Variants in FREM1 observed in about 807,000 individuals in gnomAD.
The protein encoded by FREM1 is FRAS1-related extracellular matrix protein 1.
Under a neutral mutation model 210.1 loss-of-function variants are expected in FREM1, and 220 were observed. The ratio of observed to expected loss-of-function variants is 1.05; its 90% CI spans 0.94 to 1.17. The LOEUF (loss-of-function observed/expected upper bound fraction) is 1.17. FREM1 is among the 50% of genes most tolerant of loss of function. The probability of loss-of-function intolerance (pLI) is 0.00; values close to 1 mark genes in which losing one functional copy is unlikely to be tolerated. For synonymous variants in FREM1, 1,189 were observed against 980.2 expected (o/e 1.21, Z -3.98); for missense variants, 3,454 against 2,675.5 (o/e 1.29, Z -6.42).
Position 14,859,181 on chromosome 9 carries a change from A to G in FREM1, c.631+2T>C. 6.4e-7 allele frequency: 1 copy of G among 1,569,502 alleles called. No homozygotes were observed. ...CCAGAAAGGCATTAAAAGACATCAT[A>G]CGGGACTCTGGGAAAAAACTGTGTG... On this transcript the variant is annotated splice_donor_variant, in intron 4 of 36. Transcript: ENST00000380880. LOFTEE classifies it high-confidence loss of function.
In FREM1 at chr9:14,819,239, T is replaced by G. The variant is rs926436210; in HGVS notation, c.2541A>C (p.Lys847Asn). ...TFSWGDLHTL[K>N]VRYQHDGTEV... ...AAACCATGAAATGTTCTAACCTAAC[T>G]TTTAAGGTATGGAGATCGCCCCAAG... The change falls in exon 14 of 37, where the codon AAA becomes AAC. Residue 847 changes from lysine to asparagine, a missense_variant. Coordinates refer to ENST00000380880, the MANE Select transcript of FREM1 (RefSeq NM_001379081.2). The G allele has an allele frequency of 1.1e-5, 17 of 1,606,748 alleles. No homozygotes were observed. Among genetic ancestry groups the G allele is most frequent in the Non-Finnish European group, 1.4e-5 (17 of 1,174,904 alleles).
At chr9:14,855,749 TAAAC>T (rs934653820) in intron 5 of FREM1, among the ~76,000 whole-genome samples, 9 of 151,578 alleles carry the variant, frequency 5.9e-5, no homozygotes, top group Non-Finnish European at 8.8e-5. Context: ...AGGTTAATGA[TAAAC>T]AAAGCAAGAA....
chr9:14,857,259 T>G (rs16932365), intron 5 of FREM1, among the ~76,000 whole-genome samples: 1 of 152,040 alleles, frequency 6.6e-6, no homozygotes, highest in Admixed American at 6.6e-5. Flanking sequence ...CTGAAGAGTA[T>G]TGGGAGTAAA....
intron 5 of FREM1, among the ~76,000 whole-genome samples, 165 bp from the exon 6 acceptor site, chr9:14,851,772 G>A (rs1315381298): frequency 3.3e-5 from 5 of 152,140 alleles, no homozygotes; most frequent in Non-Finnish European, 7.3e-5. Context: ...ACACATGCTG[G>A]TACCTAGGAT....
chr9:14,830,890 ATCTGT>A (rs1161412422), intron 10 of FREM1, among the ~76,000 whole-genome samples: 1 of 152,180 alleles, frequency 6.6e-6, no homozygotes, highest in Admixed American at 6.5e-5. Flanking sequence ...CAAGCTTAAA[ATCTGT>A]TCTGTCATTC....
At chr9:14,901,184 T>C (rs530698417) in intron 1 of FREM1, among the ~76,000 whole-genome samples, 2 of 152,222 alleles carry the variant, frequency 1.3e-5, no homozygotes, top group Non-Finnish European at 2.9e-5. Flanking sequence ...CAGTATGTAA[T>C]AGATCTCTCT....
Position 14,776,152 on chromosome 9 carries a change from T to C in FREM1, c.4494A>G (p.Thr1498=). ...GCAGGGCTCTGTCCACAGTCTCCAG[T>C]GTGATCTCAAACACCCCGTGCTCGG... is the stretch of plus-strand genomic sequence containing the variant. The part of the protein sequence containing the change: ...LRTEHGVFEI[T]LETVDRALPV... Residue 1498 remains threonine, a synonymous_variant, in exon 25 of 37, where the codon ACA becomes ACG. Coordinates refer to ENST00000380880, the MANE Select transcript of FREM1 (RefSeq NM_001379081.2). 1.3e-6 allele frequency: 2 copies of C among 1,560,200 alleles called. No individual in the cohort carries two copies. The highest frequency in any genetic ancestry group is 1.4e-5 in the African/African-American group (1 of 73,668).
At position 14,747,070 on chromosome 9, in the gene FREM1, A is replaced by G; in HGVS notation, c.6010-19T>C. 1 of 1,612,700 alleles carries G rather than the reference A, an allele frequency of 6.2e-7. No homozygotes were observed. The highest frequency in any genetic ancestry group is 1.3e-5 in the African/African-American group (1 of 75,024). On this transcript the variant is annotated intron_variant, in intron 33 of 36. Coordinates refer to ENST00000380880, the MANE Select transcript of FREM1 (RefSeq NM_001379081.2). The stretch of plus-strand genomic sequence containing the variant: ...ACTGGTCCTTTGGGAAGGAAAGGCA[A>G]TTTAGCAATTTAGAATTGACTTAAG...
At chr9:14,796,658 G>C (rs1852452506) in intron 21 of FREM1, among the ~76,000 whole-genome samples, 1 of 152,292 alleles carries the variant, frequency 6.6e-6, no homozygotes, top group Non-Finnish European at 1.5e-5. Flanking sequence ...TCTCGTGATA[G>C]TGAGTCAGTT....
chr9:14,910,783 A>G (rs1237509565), upstream of FREM1: 1 of 152,228 alleles, frequency 6.6e-6, no homozygotes, highest in Non-Finnish European at 1.5e-5. Context: ...GACTCTTCCA[A>G]CACACTTTTT....
Position 14,746,418 on chromosome 9 carries a change from G to A in FREM1, c.6189C>T (p.Tyr2063=), listed in dbSNP as rs779712053. The A allele has an allele frequency of 7.9e-5, 128 of 1,613,790 alleles. No individual in the cohort carries two copies. Among genetic ancestry groups the A allele is most frequent in the Non-Finnish European group, 9.9e-5 (117 of 1,179,806 alleles). ...CPAGWHQHSG[Y]CHILITEQKG... The stretch of plus-strand genomic sequence containing the variant: ...TCTGCTCTGTGATCAAGATGTGACA[G>A]TAGCCTGAGTGCTGGTGCCACCCGG... Residue 2063 remains tyrosine, a synonymous_variant, in exon 35 of 37, where the codon TAC becomes TAT. Transcript: ENST00000380880.
intron 28 of FREM1, 119 bp downstream of exon 28, chr9:14,759,653 A>G (rs1455021064): frequency 1.1e-6 from 1 of 875,146 alleles, no homozygotes; most frequent in Non-Finnish European, 1.7e-6. Context: ...GAATAGTGGG[A>G]TCTCCCTGCA....
At chr9:14,867,286 C>T (rs1831704762) in intron 2 of FREM1, among the ~76,000 whole-genome samples, 1 of 152,190 alleles carries the variant, frequency 6.6e-6, no homozygotes, top group African/African-American at 2.4e-5. Context: ...CAGGTATCTT[C>T]TTTTTCCCTG....
intron 21 of FREM1, among the ~76,000 whole-genome samples, chr9:14,793,281 T>C (rs1851746250): frequency 6.6e-6 from 1 of 152,228 alleles, no homozygotes. Flanking sequence ...AGAAACTCAA[T>C]TAAAGAGATT....
chr9:14,818,414 T>C (rs1820694344), intron 14 of FREM1, among the ~76,000 whole-genome samples: 1 of 152,254 alleles, frequency 6.6e-6, no homozygotes, highest in Non-Finnish European at 1.5e-5. Context: ...TCTTAGTTTC[T>C]GGTCAACTTT....
chr9:14,851,182 G>C, intron 6 of FREM1, 102 bp downstream of exon 6: 1 of 826,194 alleles, frequency 1.2e-6, no homozygotes, highest in South Asian at 1.9e-5. Flanking sequence ...ATTCTTTTCT[G>C]AGGCAATGAA....
chr9:14,792,706 C>T (rs747559165), intron 22 of FREM1, 37 bp downstream of exon 22: 321 of 1,512,944 alleles, frequency 2.1e-4, no homozygotes, highest in Middle Eastern at 1.4e-3. Flanking sequence ...ATACCTGCTA[C>T]GTTAGTTTTG....
intron 5 of FREM1, among the ~76,000 whole-genome samples, chr9:14,855,289 T>C (rs941419078): frequency 3.3e-5 from 5 of 152,110 alleles, no homozygotes; most frequent in African/African-American, 9.7e-5. Flanking sequence ...CTAAAATCAA[T>C]GGGAAACAAG....
In FREM1 at chr9:14,845,987, G is replaced by C; in HGVS notation, c.1366C>G (p.Leu456Val). The C allele has an allele frequency of 1.9e-6, 3 of 1,613,544 alleles. No homozygotes were observed. The highest frequency in any genetic ancestry group is 2.5e-6 in the Non-Finnish European group (3 of 1,179,700). Residue 456 changes from leucine to valine, a missense_variant, in exon 8 of 37, where the codon CTG (leucine) becomes GTG (valine). By Grantham distance (32) the Leu-to-Val change is conservative. Coordinates refer to ENST00000380880, the MANE Select transcript of FREM1 (RefSeq NM_001379081.2). ...CTTAAAGTCAGCCATCCATGCTGCA[G>C]GCCACCAACGGTGACTAGCCGGACA... ...GAVRLVTVGG[L>V]QHGWLTLRGG...
Sources: allele counts gnomAD v4.1 joint callset (sites outside exome capture counted in the v4.1 genomes callset), GRCh38; gene constraint gnomAD v4.1.1; transcripts MANE v1.5; gene names NCBI Gene and HGNC (gene_info 2026-07-23, HGNC 2026-07-21).